The following CNBD1 variants were observed in gnomAD, a reference collection of about 807,000 sequenced individuals.
CNBD1 encodes the protein cyclic nucleotide-binding domain-containing protein 1.
CNBD1 carries 71 observed loss-of-function variants against 54.4 expected under a neutral mutation model. The ratio of observed to expected loss-of-function variants is 1.30; its 90% confidence interval spans 1.08 to 1.59. The LOEUF (loss-of-function observed/expected upper bound fraction) is 1.59, where lower values mean the gene tolerates loss of function less well. Among genes scored for constraint, CNBD1 ranks in the 40% most tolerant of loss-of-function variants. The pLI, the probability that CNBD1 is intolerant of heterozygous loss-of-function variation, is 0.00. For missense variants in CNBD1, 659 were observed against 518.0 expected, an observed-to-expected ratio of 1.27 and a Z score of -2.64; for synonymous variants, 182 against 170.7, an observed-to-expected ratio of 1.07 and a Z score of -0.51.
chr8:87,095,907 C>G (rs1438205970), intron 4 of CNBD1, among the ~76,000 whole-genome samples: 1 of 152,228 alleles, frequency 6.6e-6, no homozygotes, highest in Admixed American at 6.5e-5. Flanking sequence ...ATCTGCCCGC[C>G]TTGGCCTCCC....
chr8:87,124,864 T>C (rs1419947011), intron 4 of CNBD1, among the ~76,000 whole-genome samples: 1 of 151,774 alleles, frequency 6.6e-6, no homozygotes, highest in Non-Finnish European at 1.5e-5. Flanking sequence ...TAAAATTGTC[T>C]GTATTTGTTG....
intron 8 of CNBD1, among the ~76,000 whole-genome samples, chr8:87,329,448 G>A (rs962985814): frequency 6.6e-6 from 1 of 151,996 alleles, no homozygotes; most frequent in African/African-American, 2.4e-5. Context: ...GTAGCTTATG[G>A]GAATTTTAAT....
intron 4 of CNBD1, among the ~76,000 whole-genome samples, chr8:86,958,793 A>C (rs562650493): frequency 1.3e-5 from 2 of 152,060 alleles, no homozygotes; most frequent in Non-Finnish European, 2.9e-5. Flanking sequence ...ATTTGTCAGT[A>C]TGTGTCTTTT....
intron 4 of CNBD1, among the ~76,000 whole-genome samples, chr8:87,032,940 T>G (rs1384009971): frequency 6.6e-6 from 1 of 152,212 alleles, no homozygotes. Flanking sequence ...TTGATTTTCG[T>G]CAAGATTCAT....
At chr8:87,055,852 C>T in intron 4 of CNBD1, among the ~76,000 whole-genome samples, 2 of 146,088 alleles carry the variant, frequency 1.4e-5, no homozygotes, top group South Asian at 2.3e-4. Context: ...TTCCTTCCTC[C>T]CTCCCTCCCT....
intron 2 of CNBD1, among the ~76,000 whole-genome samples, chr8:87,424,357 A>G (rs563795479): frequency 6.6e-6 from 1 of 151,836 alleles, no homozygotes; most frequent in South Asian, 2.1e-4. Context: ...AGTTCTTTTA[A>G]TTGTGATGTT....
intron 3 of CNBD1, among the ~76,000 whole-genome samples, chr8:86,937,028 C>T (rs756640650): frequency 7.2e-5 from 11 of 152,078 alleles, no homozygotes; most frequent in South Asian, 2.1e-4. Flanking sequence ...TCTGTTCTCA[C>T]ACTGCTAATA....
At chr8:86,975,461 A>G (rs1476526929) in intron 4 of CNBD1, among the ~76,000 whole-genome samples, 2 of 151,982 alleles carry the variant, frequency 1.3e-5, no homozygotes, top group Admixed American at 6.6e-5. Context: ...GATTTTGCAT[A>G]TAGGTGAGAT....
intron 1 of CNBD1, among the ~76,000 whole-genome samples, chr8:86,871,090 G>A (rs1479249383): frequency 6.6e-6 from 1 of 152,150 alleles, no homozygotes; most frequent in African/African-American, 2.4e-5. Context: ...CTATTTTGAT[G>A]TACTTTTTGT....
chr8:87,060,154 C>G (rs1172288717), intron 4 of CNBD1, among the ~76,000 whole-genome samples: 1 of 152,004 alleles, frequency 6.6e-6, no homozygotes, highest in African/African-American at 2.4e-5. Context: ...AGTTAAGCCT[C>G]CAGATGAGAA....
At chr8:87,145,636 A>G (rs1812468949) in intron 4 of CNBD1, among the ~76,000 whole-genome samples, 1 of 152,218 alleles carries the variant, frequency 6.6e-6, no homozygotes, top group African/African-American at 2.4e-5. Flanking sequence ...GGGATTGATT[A>G]GATTTCAAGT....
intron 8 of CNBD1, among the ~76,000 whole-genome samples, chr8:87,350,063 G>A (rs371809527): frequency 9.2e-5 from 14 of 152,106 alleles, no homozygotes; most frequent in African/African-American, 3.4e-4. Context: ...ACAATTGCTA[G>A]GAGCTTCTAT....
intron 4 of CNBD1, among the ~76,000 whole-genome samples, chr8:86,977,708 C>T (rs1808373712): frequency 6.6e-6 from 1 of 151,972 alleles, no homozygotes; most frequent in Non-Finnish European, 1.5e-5. Context: ...GAAAACTGAA[C>T]AGACCAATAA....
At chr8:87,324,350 A>G (rs1338040978) in intron 8 of CNBD1, among the ~76,000 whole-genome samples, 1 of 125,668 alleles carries the variant, frequency 8.0e-6, no homozygotes, top group Non-Finnish European at 1.8e-5. Context: ...CTCTTTTTCT[A>G]TTGATTGGAA....
At chr8:86,915,766 C>CATTG (rs1292689115) in intron 3 of CNBD1, among the ~76,000 whole-genome samples, 5 of 152,158 alleles carry the variant, frequency 3.3e-5, no homozygotes, top group African/African-American at 1.2e-4. Context: ...AGTGAATGTG[C>CATTG]ATTGCCTTGA....
chr8:87,351,612 T>A (rs1586038027), intron 8 of CNBD1, 73 bp from the exon 9 acceptor site: 1 of 1,328,888 alleles, frequency 7.5e-7, no homozygotes, highest in Non-Finnish European at 9.9e-7. Flanking sequence ...ACATTAACTT[T>A]TGTTGCTAAA....
chr8:87,076,217 C>A (rs1229663361), intron 4 of CNBD1, among the ~76,000 whole-genome samples: 1 of 152,146 alleles, frequency 6.6e-6, no homozygotes, highest in Non-Finnish European at 1.5e-5. Context: ...TTTTATTAAA[C>A]TTCAGAGGAA....
chr8:86,996,473 A>G (rs952741816), intron 4 of CNBD1, among the ~76,000 whole-genome samples: 2 of 152,226 alleles, frequency 1.3e-5, no homozygotes, highest in African/African-American at 2.4e-5. Context: ...TTTCATTAGG[A>G]TTTCTAAAAC....
intron 10 of CNBD1, among the ~76,000 whole-genome samples, chr8:87,356,713 CA>C (rs1191644396): frequency 6.6e-6 from 1 of 152,142 alleles, no homozygotes; most frequent in East Asian, 1.9e-4. Context: ...AAGGAACGTG[CA>C]TTTTCTAGAG....
Sources: gnomAD v4.1 joint callset for allele counts (sites outside exome capture counted in the v4.1 genomes callset) on GRCh38, gnomAD v4.1.1 for gene constraint, MANE v1.5 for transcripts, NCBI Gene and HGNC (gene_info 2026-07-23, HGNC 2026-07-21) for gene names.